The following XPA variants were observed in gnomAD, a reference collection of about 807,000 sequenced individuals.
The protein encoded by XPA is DNA repair protein complementing XP-A cells.
In XPA, 27 loss-of-function variants were observed where a neutral mutation model predicts 35.7. The ratio of observed to expected loss-of-function variants is 0.76; its 90% confidence interval spans 0.56 to 1.04. The LOEUF (loss-of-function observed/expected upper bound fraction) is 1.04. XPA is among the 50% of genes least tolerant of loss of function. The pLI, the probability that XPA is intolerant of heterozygous loss-of-function variation, is 0.00. For synonymous variants in XPA, 133 were observed against 118.4 expected, an observed-to-expected ratio of 1.12 and a Z score of -0.80; for missense variants, 354 against 342.7, an observed-to-expected ratio of 1.03 and a Z score of -0.26.
At chr9:97,672,715 AGCCT>A (rs562277127), downstream of XPA, 152 of 179,492 alleles carry the variant, frequency 8.5e-4, 1 homozygote, top group African/African-American at 3.5e-3. Flanking sequence ...TGTCTTCCTC[AGCCT>A]GCTCAACGTG....
chr9:97,685,119 G>A (rs1828674879), intron 4 of XPA, 79 bp from the exon 5 acceptor site: 6 of 1,167,992 alleles, frequency 5.1e-6, no homozygotes, highest in African/African-American at 1.5e-5. Flanking sequence ...CAAATCCAAA[G>A]GTACCAAAGA....
At chr9:97,657,784 G>A in the XPA span, among the ~76,000 whole-genome samples, 1 of 151,368 alleles carries the variant, frequency 6.6e-6, no homozygotes, top group Admixed American at 6.6e-5. Flanking sequence ...TATCAGTAGG[G>A]ACTAATTAAT....
chr9:97,655,667 C>T, the XPA span: 4 of 1,552,580 alleles, frequency 2.6e-6, no homozygotes, highest in African/African-American at 2.8e-5. Flanking sequence ...GTTATTCTTC[C>T]TTTTTCTCTG....
chr9:97,655,011 T>C, the XPA span: 2 of 1,273,556 alleles, frequency 1.6e-6, no homozygotes, highest in Non-Finnish European at 2.1e-6. Context: ...ATAAAGGAAT[T>C]TGAGAAAGAC....
the XPA span, among the ~76,000 whole-genome samples, chr9:97,656,638 C>T: frequency 6.6e-6 from 1 of 152,108 alleles, no homozygotes; most frequent in Admixed American, 6.6e-5. Context: ...AATTCTGTAT[C>T]CTCTTCACCT....
chr9:97,659,188 T>G, the XPA span, among the ~76,000 whole-genome samples: 49 of 152,378 alleles, frequency 3.2e-4, no homozygotes, highest in African/African-American at 1.1e-3. Context: ...AATTGCACCA[T>G]AAATCAGGGA....
At chr9:97,658,940 A>T in the XPA span, among the ~76,000 whole-genome samples, 1 of 152,226 alleles carries the variant, frequency 6.6e-6, no homozygotes, top group Non-Finnish European at 1.5e-5. Flanking sequence ...GATAAAATTA[A>T]TTACTACTGG....
chr9:97,664,532 A>G, the XPA span: 1 of 860,420 alleles, frequency 1.2e-6, no homozygotes, highest in South Asian at 1.7e-5. Context: ...TCTGGTCCAA[A>G]CCAGGTTGAT....
chr9:97,662,183 T>A, the XPA span: 1 of 1,483,986 alleles, frequency 6.7e-7, no homozygotes, highest in Non-Finnish European at 9.4e-7. Flanking sequence ...GAGTTTGGAA[T>A]TTTGCTTGGT....
At chr9:97,656,950 C>T in the XPA span, among the ~76,000 whole-genome samples, 1 of 152,068 alleles carries the variant, frequency 6.6e-6, no homozygotes, top group African/African-American at 2.4e-5. Flanking sequence ...CCTGTCTGGT[C>T]TGGAGTGTTT....
At chr9:97,681,366 A>G (rs1828532622) in intron 5 of XPA, among the ~76,000 whole-genome samples, 1 of 152,160 alleles carries the variant, frequency 6.6e-6, no homozygotes, top group African/African-American at 2.4e-5. Flanking sequence ...TCCTCCATAA[A>G]CTAAAGCAGA....
At chr9:97,689,503 A>G in intron 3 of XPA, 31 bp downstream of exon 3, 1 of 1,345,574 alleles carries the variant, frequency 7.4e-7, no homozygotes. Flanking sequence ...CATAAACATT[A>G]GCAATTAAGA....
chr9:97,682,099 A>G, intron 5 of XPA: 1 of 366,922 alleles, frequency 2.7e-6, no homozygotes. Context: ...TACACACCTT[A>G]TACTATTTAA....
chr9:97,681,005 T>C (rs923175188), intron 5 of XPA, among the ~76,000 whole-genome samples: 1 of 152,218 alleles, frequency 6.6e-6, no homozygotes, highest in South Asian at 2.1e-4. Flanking sequence ...TTTATAACAA[T>C]TTTCAGTGTA....
chr9:97,675,682 G>T, intron 5 of XPA, 95 bp from the exon 6 acceptor site: 2 of 1,369,850 alleles, frequency 1.5e-6, no homozygotes, highest in East Asian at 2.3e-5. Context: ...GTACATGTGT[G>T]TGTGTCTATG....
At chr9:97,664,318 T>C in the XPA span, 1 of 1,468,498 alleles carries the variant, frequency 6.8e-7, no homozygotes, top group Non-Finnish European at 9.5e-7. Flanking sequence ...TGTGATTTAC[T>C]TGAATAATTC....
At chr9:97,686,209 C>G (rs1828711939) in intron 4 of XPA, among the ~76,000 whole-genome samples, 1 of 152,256 alleles carries the variant, frequency 6.6e-6, no homozygotes, top group South Asian at 2.1e-4. Flanking sequence ...CAATGCCTCC[C>G]AATATTTTAA....
At chr9:97,674,571 T>C (rs1022277537), downstream of XPA, among the ~76,000 whole-genome samples, 1 of 152,144 alleles carries the variant, frequency 6.6e-6, no homozygotes, top group African/African-American at 2.4e-5. Context: ...ATAATTCTTT[T>C]GACAAGCTAC....
intron 3 of XPA, 118 bp from the exon 4 acceptor site, chr9:97,687,379 G>T (rs1828753462): frequency 2.5e-6 from 2 of 787,058 alleles, no homozygotes; most frequent in Non-Finnish European, 3.8e-6. Context: ...ACTTTTTCCT[G>T]CAACTCTCAT....
Sources: gnomAD v4.1 joint callset for allele counts (sites outside exome capture counted in the v4.1 genomes callset) on GRCh38, gnomAD v4.1.1 for gene constraint, MANE v1.5 for transcripts, NCBI Gene and HGNC (gene_info 2026-07-23, HGNC 2026-07-21) for gene names.